Variants in SLC39A12 observed in about 807,000 individuals in gnomAD.
SLC39A12 encodes zinc transporter ZIP12.
A neutral mutation model predicts 71.1 loss-of-function variants in SLC39A12; 63 were observed. The ratio of observed to expected loss-of-function variants is 0.89; its 90% CI spans 0.72 to 1.09. SLC39A12 has a LOEUF of 1.09. Ranked by LOEUF, SLC39A12 falls within the 50% of genes least tolerant of loss-of-function variation. The pLI is 0.00. For synonymous variants in SLC39A12, 351 were observed against 301.3 expected (o/e 1.16, Z -1.71); for missense variants, 892 against 812.6 (o/e 1.10, Z -1.19).
intron 4 of SLC39A12, among the ~76,000 whole-genome samples, chr10:17,969,836 G>A (rs891709608): frequency 6.6e-6 from 1 of 152,144 alleles, no homozygotes; most frequent in Admixed American, 6.5e-5. Context: ...CGCCTGTGGA[G>A]TATTACTCAG....
At chr10:18,029,451 CCTA>C (rs1836775558) in intron 12 of SLC39A12, among the ~76,000 whole-genome samples, 1 of 152,084 alleles carries the variant, frequency 6.6e-6, no homozygotes, top group Non-Finnish European at 1.5e-5. Context: ...ACTCTTTGCA[CCTA>C]CTGATTTAGG....
At chr10:17,967,898 AATAT>A (rs565522405) in intron 4 of SLC39A12, among the ~76,000 whole-genome samples, 2,046 of 119,698 alleles carry the variant, frequency 0.017, 42 homozygotes, top group African/African-American at 0.056. Flanking sequence ...AAAAAAAAAA[AATAT>A]ATATATATAT....
chr10:17,980,237 C>G (rs929024535), intron 5 of SLC39A12, among the ~76,000 whole-genome samples: 14 of 152,032 alleles, frequency 9.2e-5, no homozygotes, highest in Non-Finnish European at 1.9e-4. Flanking sequence ...CAAGATAAAA[C>G]TTTGTATCCA....
At chr10:17,979,217 A>G (rs754047564) in intron 5 of SLC39A12, among the ~76,000 whole-genome samples, 1 of 152,230 alleles carries the variant, frequency 6.6e-6, no homozygotes, top group South Asian at 2.1e-4. Flanking sequence ...AAAATTTTAT[A>G]GAATATAATG....
chr10:18,022,614 C>G (rs1049320994), intron 12 of SLC39A12, among the ~76,000 whole-genome samples: 2 of 152,168 alleles, frequency 1.3e-5, no homozygotes, highest in Non-Finnish European at 2.9e-5. Context: ...TATCCAGATT[C>G]TCAATTCTAT....
rs1835148732 is a variant in SLC39A12, at chr10:17,977,850, A to G, written c.752-52A>G. On this transcript the variant is annotated intron_variant, in intron 4 of 12. Coordinates refer to ENST00000377369, the MANE Select transcript of SLC39A12 (RefSeq NM_001145195.2). Reference sequence around the variant, plus strand: ...GCTGTAGCTATGTGAAATTGTGACTATTCGGAACTTATCTATTCTATGTGA... The same window carrying G: ...GCTGTAGCTATGTGAAATTGTGACTGTTCGGAACTTATCTATTCTATGTGA... 3.7e-6 allele frequency: 5 copies of G among 1,352,422 alleles called. No homozygotes were observed. In the South Asian group the frequency reaches 5.3e-5, roughly 14 times the overall value. The allele number at this position is 1,352,422 out of a possible 1,614,324, so 83.8% of individuals were successfully genotyped here. A position where few individuals can be genotyped will look rare whatever the true frequency, so the allele number is the denominator to read the frequency against.
intron 12 of SLC39A12, among the ~76,000 whole-genome samples, chr10:18,013,346 T>TTTATTATTATTA (rs35228459): frequency 0.026 from 3,603 of 139,796 alleles, 62 homozygotes; most frequent in South Asian, 0.031. Context: ...TCCAACTTTA[T>TTTATTATTATTA]TTATTATTAT....
rs552854442 is a variant in SLC39A12, at chr10:18,014,824, C to T, written c.1947+11466C>T. Among the ~76,000 whole-genome samples, 3 of 152,134 alleles carry T rather than the reference C, an allele frequency of 2.0e-5. No homozygotes were observed. In the South Asian group the frequency reaches 6.2e-4, roughly 32 times the overall value. ...GTACAAACTGCCTTGCTTGTTAGGACTAACACAGGTTTACAAATCTGATGC... is the reference window on the plus strand; with the variant it reads ...GTACAAACTGCCTTGCTTGTTAGGATTAACACAGGTTTACAAATCTGATGC... On this transcript the variant is annotated intron_variant, in intron 12 of 12. Transcript: ENST00000377369.
chr10:17,991,076 A>G, intron 7 of SLC39A12, 75 bp from the exon 8 acceptor site: 7 of 1,350,318 alleles, frequency 5.2e-6, no homozygotes, highest in Non-Finnish European at 7.0e-6. Flanking sequence ...CACTGGGCCT[A>G]CTATTTAATA....
chr10:18,040,356 A>G (rs997964702), intron 12 of SLC39A12, among the ~76,000 whole-genome samples: 2 of 152,186 alleles, frequency 1.3e-5, no homozygotes, highest in Non-Finnish European at 2.9e-5. Context: ...CCATTGCTCC[A>G]TGCCGGGATG....
intron 12 of SLC39A12, among the ~76,000 whole-genome samples, chr10:18,007,795 T>G: frequency 6.6e-6 from 1 of 152,158 alleles, no homozygotes; most frequent in East Asian, 1.9e-4. Context: ...CCGTTTTGGT[T>G]TTGGTGAGAC....
At chr10:17,965,451 C>T in intron 3 of SLC39A12, 32 bp from the exon 4 acceptor site, 1 of 1,592,394 alleles carries the variant, frequency 6.3e-7, no homozygotes, top group Non-Finnish European at 8.6e-7. Context: ...TCAGATGTTA[C>T]AATTTTCTCT....
At chr10:18,013,964 A>C (rs571220304) in intron 12 of SLC39A12, among the ~76,000 whole-genome samples, 13 of 152,186 alleles carry the variant, frequency 8.5e-5, no homozygotes, top group Non-Finnish European at 1.8e-4. Context: ...TTGAGATTTC[A>C]TATGAATTTT....
chr10:18,011,891 T>C (rs906058659), intron 12 of SLC39A12, among the ~76,000 whole-genome samples: 15 of 152,212 alleles, frequency 9.9e-5, no homozygotes, highest in Non-Finnish European at 1.6e-4. Flanking sequence ...GATTCTGTAT[T>C]TGAATTATTC....
At chr10:17,978,376 A>G (rs1262050050) in intron 5 of SLC39A12, among the ~76,000 whole-genome samples, 1 of 152,184 alleles carries the variant, frequency 6.6e-6, no homozygotes, top group Non-Finnish European at 1.5e-5. Flanking sequence ...ACCGCTAATC[A>G]TCCTGGGCAT....
chr10:18,004,772 T>G (rs1423184547), intron 12 of SLC39A12, among the ~76,000 whole-genome samples: 10 of 152,056 alleles, frequency 6.6e-5, no homozygotes, highest in Non-Finnish European at 1.5e-4. Flanking sequence ...AATCATTCTA[T>G]TATAAAGATA....
At chr10:17,959,549 T>C (rs562472085) in intron 2 of SLC39A12, among the ~76,000 whole-genome samples, 30 of 152,288 alleles carry the variant, frequency 2.0e-4, no homozygotes, top group African/African-American at 7.0e-4. Flanking sequence ...TTAAAAGATA[T>C]TGTAGTACAA....
rs577225789 is a variant in SLC39A12 at position 17,988,881 on chromosome 10, C to A, written c.1269+1230C>A. On this transcript the variant is annotated intron_variant, in intron 7 of 12. Transcript: ENST00000377369. ...CCCTAAGGTTGGCAATGCTTTCCTG[C>A]GATTGCCAGTCTCTGGGTGCCTCAT... is the stretch of plus-strand genomic sequence containing the variant. Among the ~76,000 whole-genome samples the A allele has an allele frequency of 2.2e-4, 33 of 152,294 alleles. No homozygotes were observed. The South Asian group carries it at 6.4e-3, about 30-fold the overall frequency.
At chr10:17,965,750 A>G in intron 4 of SLC39A12, 60 bp downstream of exon 4, 1 of 1,374,706 alleles carries the variant, frequency 7.3e-7, no homozygotes, top group Non-Finnish European at 1.0e-6. Context: ...ACTATGCCAA[A>G]AACAAAGGCC....
Sources: allele counts gnomAD v4.1 joint callset (sites outside exome capture counted in the v4.1 genomes callset), GRCh38; gene constraint gnomAD v4.1.1; transcripts MANE v1.5; gene names NCBI Gene and HGNC (gene_info 2026-07-23, HGNC 2026-07-21).